The following COL14A1 variants were observed in gnomAD, a reference collection of about 807,000 sequenced individuals.
COL14A1 encodes collagen type XIV alpha 1 chain, also known as collagen alpha-1(XIV) chain.
Under a neutral mutation model 230.3 loss-of-function variants are expected in COL14A1, and 136 were observed. That is an observed-to-expected ratio of 0.59 (90% CI 0.51 to 0.68). COL14A1 has a LOEUF of 0.68. COL14A1 is among the 30% of genes least tolerant of loss of function. The probability of loss-of-function intolerance (pLI) is 0.00; values close to 1 mark genes in which losing one functional copy is unlikely to be tolerated. For synonymous variants in COL14A1, 792 were observed against 784.1 expected (o/e 1.01, Z -0.17); for missense variants, 1,976 against 2,215.8 (o/e 0.89, Z 2.17).
intron 35 of COL14A1, among the ~76,000 whole-genome samples, chr8:120,299,885 T>G (rs1820657872): frequency 6.6e-6 from 1 of 152,174 alleles, no homozygotes; most frequent in African/African-American, 2.4e-5. Context: ...GGCTCTAATT[T>G]TATTTTCCCC....
chr8:120,277,922 A>T, intron 26 of COL14A1, 189 bp from the exon 27 acceptor site: 1 of 437,506 alleles, frequency 2.3e-6, no homozygotes, highest in Non-Finnish European at 3.9e-6. Context: ...TAAAATTTTT[A>T]AAAAAGAAAA....
At chr8:120,315,224 G>A (rs1821177351) in intron 38 of COL14A1, among the ~76,000 whole-genome samples, 1 of 151,968 alleles carries the variant, frequency 6.6e-6, no homozygotes, top group Non-Finnish European at 1.5e-5. Context: ...ACAAAAATTA[G>A]CTGGGTGTGG....
intron 23 of COL14A1, among the ~76,000 whole-genome samples, chr8:120,257,468 G>T (rs1819193514): frequency 6.6e-6 from 1 of 152,190 alleles, no homozygotes; most frequent in Non-Finnish European, 1.5e-5. Context: ...GGGGGTGGCA[G>T]TAGGAAATGT....
intron 26 of COL14A1, among the ~76,000 whole-genome samples, chr8:120,271,738 G>A (rs1372083638): frequency 6.6e-6 from 1 of 151,480 alleles, no homozygotes; most frequent in Non-Finnish European, 1.5e-5. Context: ...TAGAACAAGT[G>A]GAAGAAGCAG....
At chr8:120,187,126 A>C (rs2130665239) in intron 5 of COL14A1, among the ~76,000 whole-genome samples, 1 of 152,316 alleles carries the variant, frequency 6.6e-6, no homozygotes, top group East Asian at 1.9e-4. Context: ...ATCTTCACTG[A>C]CTATGTTGAT....
chr8:120,273,347 AG>A (rs1202312288), intron 26 of COL14A1, among the ~76,000 whole-genome samples: 1 of 151,898 alleles, frequency 6.6e-6, no homozygotes, highest in Non-Finnish European at 1.5e-5. Context: ...AGTCTGAAAA[AG>A]CACAAATTGG....
At chr8:120,342,352 T>C in intron 43 of COL14A1, 28 bp from the exon 44 acceptor site, 2 of 1,611,386 alleles carry the variant, frequency 1.2e-6, no homozygotes, top group Non-Finnish European at 1.7e-6. Flanking sequence ...TGTAGCTGAG[T>C]CAGGAGTATG....
At chr8:120,270,262 T>A (rs963024790) in intron 26 of COL14A1, 88 bp downstream of exon 26, 14 of 1,312,986 alleles carry the variant, frequency 1.1e-5, no homozygotes, top group Non-Finnish European at 1.3e-5. Context: ...GGACTATAGG[T>A]CAAGAACTGT....
At chr8:120,271,223 G>T (rs1430160511) in intron 26 of COL14A1, among the ~76,000 whole-genome samples, 1 of 151,654 alleles carries the variant, frequency 6.6e-6, no homozygotes, top group African/African-American at 2.4e-5. Flanking sequence ...GGGCCTACTT[G>T]TGGGTGGAGG....
At chr8:120,135,036 G>C (rs775974657) in intron 1 of COL14A1, among the ~76,000 whole-genome samples, 6 of 152,056 alleles carry the variant, frequency 3.9e-5, no homozygotes, top group African/African-American at 1.4e-4. Context: ...AATGACCAAG[G>C]ATATGCTAGA....
intron 40 of COL14A1, among the ~76,000 whole-genome samples, chr8:120,330,415 G>A (rs182084841): frequency 1.3e-5 from 2 of 152,288 alleles, no homozygotes; most frequent in East Asian, 3.9e-4. Flanking sequence ...GTTTCACATG[G>A]CTGGGGAGAC....
At chr8:120,315,317 C>T (rs1184783795) in intron 38 of COL14A1, among the ~76,000 whole-genome samples, 1 of 145,042 alleles carries the variant, frequency 6.9e-6, no homozygotes, top group East Asian at 2.0e-4. Flanking sequence ...TTGCAGTGAG[C>T]CAAGATCGTG....
At chr8:120,134,740 C>T (rs111802774) in intron 1 of COL14A1, among the ~76,000 whole-genome samples, 1,702 of 152,134 alleles carry the variant, frequency 0.011, 28 homozygotes, top group African/African-American at 0.037. Context: ...TTTGGGAGGC[C>T]GAGGAAGTCA....
intron 40 of COL14A1, among the ~76,000 whole-genome samples, chr8:120,318,565 C>T (rs1586859254): frequency 6.6e-6 from 1 of 152,096 alleles, no homozygotes; most frequent in Admixed American, 6.5e-5. Flanking sequence ...GGACAATTTT[C>T]ATGGTGGGAG....
chr8:120,304,666 C>T (rs986320597), intron 36 of COL14A1, among the ~76,000 whole-genome samples: 2 of 152,074 alleles, frequency 1.3e-5, no homozygotes, highest in Non-Finnish European at 2.9e-5. Flanking sequence ...CTTTTGGACT[C>T]TTTGTCTAAT....
chr8:120,200,231 A>G (rs956777361), intron 8 of COL14A1, among the ~76,000 whole-genome samples: 4 of 152,054 alleles, frequency 2.6e-5, no homozygotes, highest in Admixed American at 2.6e-4. Context: ...TGAAACACAA[A>G]CCAAAATATA....
At chr8:120,152,788 G>A (rs1342258857) in intron 2 of COL14A1, among the ~76,000 whole-genome samples, 1 of 152,168 alleles carries the variant, frequency 6.6e-6, no homozygotes, top group Non-Finnish European at 1.5e-5. Context: ...CAGTAAATAT[G>A]TACCTGGTTC....
intron 19 of COL14A1, 88 bp downstream of exon 19, chr8:120,231,706 C>G: frequency 7.5e-7 from 1 of 1,333,198 alleles, no homozygotes; most frequent in Non-Finnish European, 1.0e-6. Flanking sequence ...GCAAACTTTA[C>G]TGCTCTTTTC....
chr8:120,319,438 G>C (rs1005013614), intron 40 of COL14A1, among the ~76,000 whole-genome samples: 5 of 152,002 alleles, frequency 3.3e-5, no homozygotes, highest in African/African-American at 1.2e-4. Context: ...GCCTCCCAAG[G>C]TGCTGGGATT....
Sources: allele counts gnomAD v4.1 joint callset (sites outside exome capture counted in the v4.1 genomes callset), GRCh38; gene constraint gnomAD v4.1.1; transcripts MANE v1.5; gene names NCBI Gene and HGNC (gene_info 2026-07-23, HGNC 2026-07-21).